Variants in UNC93B1 observed in about 807,000 individuals in gnomAD.
UNC93B1 encodes the protein protein unc-93 homolog B1.
Under a neutral mutation model 56.8 loss-of-function variants are expected in UNC93B1, and 33 were observed. The observed-to-expected ratio is 0.58, with a 90% confidence interval of 0.44 to 0.78. UNC93B1 has a LOEUF of 0.78. Among genes scored for constraint, UNC93B1 ranks in the 30% least tolerant of loss-of-function variants. UNC93B1 has a pLI of 0.00. For synonymous variants in UNC93B1, 334 were observed against 358.6 expected (o/e 0.93, Z 0.77); for missense variants, 673 against 819.5 (o/e 0.82, Z 2.18).
At chr11:67,992,874 C>T (rs1432196551) in intron 10 of UNC93B1, among the ~76,000 whole-genome samples, 2 of 151,104 alleles carry the variant, frequency 1.3e-5, no homozygotes, top group East Asian at 3.9e-4. Context: ...AGCCTGTTAC[C>T]CAGGCTGGTC....
Position 67,995,904 on chromosome 11 carries a change from GA to G in UNC93B1, c.1090-21del, listed in dbSNP as rs1856937078. The G allele has an allele frequency of 6.8e-7, 1 of 1,472,568 alleles. No homozygotes were observed. Among genetic ancestry groups the G allele is most frequent in the Admixed American group, 2.3e-5 (1 of 42,746 alleles). 91.2% of individuals were successfully genotyped at this position (1,472,568 alleles called of 1,614,324 possible). Reference sequence around the variant, plus strand: ...ATAGCCCTGCGGGGGGACAAGGGGTGAGTGTTGAAGTCTGGAACAGCCCAGA... The same window carrying G: ...ATAGCCCTGCGGGGGGACAAGGGGTGGTGTTGAAGTCTGGAACAGCCCAGA... On this transcript the variant is annotated intron_variant, in intron 8 of 10. Transcript: ENST00000227471.
chr11:68,003,468 G>T lies in UNC93B1; in HGVS notation c.238+189C>A. 1 of 957,804 alleles carries T rather than the reference G, an allele frequency of 1.0e-6. No individual in the cohort carries two copies. The highest frequency in any genetic ancestry group is 1.5e-6 in the Non-Finnish European group (1 of 686,614). The allele number at this position is 957,804 out of a possible 1,614,324, so 59.3% of individuals were successfully genotyped here. On this transcript the variant is annotated intron_variant, in intron 2 of 10. Transcript: ENST00000227471. This position sits in a 1 kb window ranked among gnomAD's most constrained non-coding sequence, Gnocchi z 4.4. ...CGTCCCCCACCCACACCGAGGCTCT[G>T]GCTGGGACCCGGGGACGCTGCGCTA...
Position 68,003,355 on chromosome 11 carries a change from T to C in UNC93B1, c.239-180A>G. 1 of 922,310 alleles carries C rather than the reference T, an allele frequency of 1.1e-6. No homozygotes were observed. Among genetic ancestry groups the C allele is most frequent in the Non-Finnish European group, 1.6e-6 (1 of 644,100 alleles). The allele number at this position is 922,310 out of a possible 1,614,324, so 57.1% of individuals were successfully genotyped here. ...ACGCCTTCTGCCAGCCCGCGGCCAC[T>C]TGGCCAGCTAAGCCCAGACCCCCAC... On this transcript the variant is annotated intron_variant, in intron 2 of 10. Coordinates refer to ENST00000227471, the MANE Select transcript of UNC93B1 (RefSeq NM_030930.4). This position sits in a 1 kb window ranked among gnomAD's most constrained non-coding sequence, Gnocchi z 4.4.
At chr11:67,995,581 C>A (rs763994461) in intron 9 of UNC93B1, 30 bp downstream of exon 9, 1 of 165,140 alleles carries the variant, frequency 6.1e-6, no homozygotes, top group African/African-American at 3.4e-5. Context: ...GCCCCGCCCC[C>A]CCCCCCCCAG....
In UNC93B1 at chr11:67,996,704, C is replaced by T; in HGVS notation, c.987G>A (p.Gln329=). The T allele has an allele frequency of 6.4e-7, 1 of 1,552,432 alleles. No individual in the cohort carries two copies. Among genetic ancestry groups the T allele is most frequent in the Non-Finnish European group, 8.7e-7 (1 of 1,147,456 alleles). ...AGTCACGCACGTGCTTGAAGGGCAG[C>T]TGGAAGATGTTGCCCCAGCCCACGC... ...LRSVGWGNIF[Q]LPFKHVRDYR... The change falls in exon 8 of 11, where the codon CAG becomes CAA. Residue 329 remains glutamine (Q), a synonymous_variant. Transcript: ENST00000227471.
chr11:68,002,922 C>T (rs1477650457), intron 3 of UNC93B1, 100 bp downstream of exon 3: 100 of 1,439,746 alleles, frequency 6.9e-5, no homozygotes, highest in Non-Finnish European at 9.0e-5. Flanking sequence ...TTCCCTCGCC[C>T]CACAAACACC....
chr11:67,997,700 G>T lies in UNC93B1; in HGVS notation c.881C>A (p.Ala294Glu). Reference protein sequence around the residue: ...NLIVVESVLMAVAFLAMLLVL... With the variant: ...NLIVVESVLMEVAFLAMLLVL... The stretch of plus-strand genomic sequence containing the variant: ...CAGCAGCATGGCCAGGAAGGCCACT[G>T]CCATGAGCACGCTCTCCACCACAAT... The change falls in exon 7 of 11, where the codon GCA (alanine) becomes GAA (glutamate). Residue 294 changes from alanine to glutamate, a missense_variant. This residue lies in a region of UNC93B1 where 438 missense variants were observed against 465.9 expected (regional missense o/e 0.94). Transcript: ENST00000227471. The T allele has an allele frequency of 6.2e-7, 1 of 1,607,004 alleles. No individual in the cohort carries two copies.
At chr11:67,997,928 T>G in intron 6 of UNC93B1, 129 bp from the exon 7 acceptor site, 1 of 1,386,420 alleles carries the variant, frequency 7.2e-7, no homozygotes, top group Non-Finnish European at 9.8e-7. Context: ...AAGGGCAGAG[T>G]TCCTTCAGAG....
intron 5 of UNC93B1, 93 bp downstream of exon 5, chr11:67,999,075 TAAAAG>T: frequency 1.3e-6 from 2 of 1,530,750 alleles, no homozygotes; most frequent in South Asian, 1.2e-5. Context: ...ATAACAATAA[TAAAAG>T]AAAGAAAGTG....
Position 67,999,690 on chromosome 11 carries a change from G to A in UNC93B1, c.393-10C>T, listed in dbSNP as rs117183629. On this transcript the variant is annotated splice_polypyrimidine_tract_variant and intron_variant, in intron 3 of 10. Coordinates refer to ENST00000227471, the MANE Select transcript of UNC93B1 (RefSeq NM_030930.4). ...CTTCGTTCCAAAAAACCTGCGGACA[G>A]TGGGAGAGATGCTGGCACCACAGGC... 3.9e-3 allele frequency: 6,301 copies of A among 1,609,246 alleles called. 16 individuals carry two copies. The highest frequency in any genetic ancestry group is 4.8e-3 in the Non-Finnish European group (5,647 of 1,178,102).
At chr11:67,996,058 G>A in intron 8 of UNC93B1, 174 bp from the exon 9 acceptor site, 1 of 439,296 alleles carries the variant, frequency 2.3e-6, no homozygotes, top group African/African-American at 2.0e-5. Context: ...ACCCCCCTGC[G>A]ATGGGGGTCC....
Position 67,999,494 on chromosome 11 carries a change from C to G in UNC93B1, c.554+25G>C, listed in dbSNP as rs546718117. On this transcript the variant is annotated intron_variant, in intron 4 of 10. Transcript: ENST00000227471. ...GAGGCTTGGCCAGGTCTCCAGCCTC[C>G]TGCCCTGCTGCCCACCAGGCTCACC... The G allele has an allele frequency of 2.8e-5, 44 of 1,544,634 alleles. No homozygotes were observed. The South Asian group carries it at 5.1e-4, about 18-fold the overall frequency.
At chr11:68,002,649 GTGCCTGGACTT>G (rs1446468539) in intron 3 of UNC93B1, among the ~76,000 whole-genome samples, 1 of 152,148 alleles carries the variant, frequency 6.6e-6, no homozygotes, top group Non-Finnish European at 1.5e-5. Flanking sequence ...CCAGGCATGG[GTGCCTGGACTT>G]TGCTGACCGA....
Position 68,003,061 on chromosome 11 carries a change from G to A in UNC93B1, c.353C>T (p.Thr118Ile), listed in dbSNP as rs2134367573. The change falls in exon 3 of 11, where the codon ACT becomes ATT. Residue 118 changes from threonine to isoleucine, a missense_variant. Physicochemically the swap from Thr to Ile is moderately conservative, Grantham distance 89 (BLOSUM62 -1). Coordinates refer to ENST00000227471, the MANE Select transcript of UNC93B1 (RefSeq NM_030930.4). This position sits in a 1 kb window ranked among gnomAD's most constrained non-coding sequence, Gnocchi z 4.4. ...TGTGTAGAGCAGGGCGGCGATGGGA[G>A]TCACGTTGATGCCCATCAGCATTTT... ...DSKMLMGINV[T>I]PIAALLYTPV... 1 of 1,612,898 alleles carries A rather than the reference G, an allele frequency of 6.2e-7. No individual in the cohort carries two copies. The highest frequency in any genetic ancestry group is 1.7e-5 in the Admixed American group (1 of 59,918).
At chr11:67,994,851 A>G (rs1408578679) in intron 9 of UNC93B1, among the ~76,000 whole-genome samples, 2 of 152,218 alleles carry the variant, frequency 1.3e-5, no homozygotes, top group Non-Finnish European at 2.9e-5. Flanking sequence ...CAGAACAGAC[A>G]CTGACATGGA....
In UNC93B1 at chr11:67,997,711, G is replaced by T. The variant is rs757129594; in HGVS notation, c.870C>A (p.Ser290Arg). 2.5e-6 allele frequency: 4 copies of T among 1,608,128 alleles called. No homozygotes were observed. Among genetic ancestry groups the T allele is most frequent in the Non-Finnish European group, 3.4e-6 (4 of 1,179,862 alleles). The change falls in exon 7 of 11, where the codon AGC (serine) becomes AGA (arginine). Residue 290 changes from serine (S) to arginine (R), a missense_variant. Around this residue, in one of 3 missense-constraint regions of UNC93B1, gnomAD observed 438 missense variants for 465.9 expected, o/e 0.94. Coordinates refer to ENST00000227471, the MANE Select transcript of UNC93B1 (RefSeq NM_030930.4). ...CCAGGAAGGCCACTGCCATGAGCACGCTCTCCACCACAATGAGGTTTCCGC... is the reference window on the plus strand; with the variant it reads ...CCAGGAAGGCCACTGCCATGAGCACTCTCTCCACCACAATGAGGTTTCCGC... The part of the protein sequence containing the change: ...PRSGNLIVVE[S>R]VLMAVAFLAM...
rs1260576849 is a variant in UNC93B1, at chr11:68,003,468, G to A, written c.238+189C>T. ...CGTCCCCCACCCACACCGAGGCTCT[G>A]GCTGGGACCCGGGGACGCTGCGCTA... On this transcript the variant is annotated intron_variant, in intron 2 of 10. Transcript: ENST00000227471. The surrounding 1 kb of genome is among the most constrained non-coding windows in gnomAD (Gnocchi z 4.4). 2.4e-5 allele frequency: 23 copies of A among 957,692 alleles called. No individual in the cohort carries two copies. The highest frequency in any genetic ancestry group is 7.1e-5 in the Admixed American group (2 of 28,154). 59.3% of individuals were successfully genotyped at this position (957,692 alleles called of 1,614,324 possible).
Position 68,003,944 on chromosome 11 carries a change from T to C in UNC93B1, c.96+4A>G. On this transcript the variant is annotated splice_donor_region_variant and intron_variant, in intron 1 of 10. Coordinates refer to ENST00000227471, the MANE Select transcript of UNC93B1 (RefSeq NM_030930.4). This position sits in a 1 kb window ranked among gnomAD's most constrained non-coding sequence, Gnocchi z 4.4. ...CGCGCCTCGCACTCCGGGTCCCCGC[T>C]CACCGGGGCCTCGGGCCCGTCCGGG... The C allele has an allele frequency of 7.3e-7, 1 of 1,378,246 alleles. No homozygotes were observed. The highest frequency in any genetic ancestry group is 9.4e-7 in the Non-Finnish European group (1 of 1,061,734). The allele number at this position is 1,378,246 out of a possible 1,614,324, so 85.4% of individuals were successfully genotyped here.
rs1590756838 is a variant in UNC93B1, at chr11:67,991,356, A to T, written c.*190T>A. 1.9e-5 allele frequency: 10 copies of T among 528,640 alleles called. No homozygotes were observed. The East Asian group carries it at 3.5e-4, about 19-fold the overall frequency. The allele number at this position is 528,640 out of a possible 1,614,324, so 32.7% of individuals were successfully genotyped here. ...TTGGCCGAGGGGTTCCCAAGGCTCCACTCCGCCTTGGAGGGGGCTGCGGAA... is the reference window on the plus strand; with the variant it reads ...TTGGCCGAGGGGTTCCCAAGGCTCCTCTCCGCCTTGGAGGGGGCTGCGGAA... On this transcript the variant is annotated 3_prime_UTR_variant, in exon 11 of 11. Transcript: ENST00000227471.
Sources: gnomAD v4.1 joint callset for allele counts (sites outside exome capture counted in the v4.1 genomes callset) on GRCh38, gnomAD v4.1.1 for gene constraint, gnomAD v4.1.1 regional missense constraint, Gnocchi (gnomAD v3.1) non-coding constraint, MANE v1.5 for transcripts, NCBI Gene and HGNC (gene_info 2026-07-23, HGNC 2026-07-21) for gene names.